JRK: variants seen among roughly 807,000 people sequenced by gnomAD.
JRK encodes the protein jerky protein homolog.
For missense variants in JRK, 720 were observed against 509.2 expected, an observed-to-expected ratio of 1.41 and a Z score of -3.98; for synonymous variants, 303 against 218.1, an observed-to-expected ratio of 1.39 and a Z score of -3.43.
chr8:142,665,687 C>T lies in JRK; in HGVS notation c.372G>A (p.Gln124=), dbSNP rs782714033. Residue 124 remains glutamine (Q), a synonymous_variant, in exon 2 of 2, where the codon CAG becomes CAA. Transcript: ENST00000612905. ...EKAKDFYEQM[Q]LTEPCVFSGG... ...CGGAGAACACGCAGGGCTCAGTGAGCTGCATCTGCTCGTAGAAGTCCTTGG... is the reference window on the plus strand; with the variant it reads ...CGGAGAACACGCAGGGCTCAGTGAGTTGCATCTGCTCGTAGAAGTCCTTGG... 1 of 735,328 alleles carries T rather than the reference C, an allele frequency of 1.4e-6. No individual in the cohort carries two copies. Among genetic ancestry groups the T allele is most frequent in the Non-Finnish European group, 2.5e-6 (1 of 394,608 alleles). The allele number at this position is 735,328 out of a possible 1,614,324, so 45.6% of individuals were successfully genotyped here. A position where few individuals can be genotyped will look rare whatever the true frequency, so the allele number is the denominator to read the frequency against.
chr8:142,645,681 G>GA, the JRK span, among the ~76,000 whole-genome samples: 4,904 of 147,214 alleles, frequency 0.033, 104 homozygotes, highest in Non-Finnish European at 0.051. Flanking sequence ...CTCCATCTCA[G>GA]AAAAAAAAAA....
chr8:142,648,907 C>G, the JRK span, among the ~76,000 whole-genome samples: 2 of 152,246 alleles, frequency 1.3e-5, no homozygotes, highest in South Asian at 4.1e-4. Context: ...AAGGGTGGAG[C>G]TGCCCAAGAC....
the JRK span, among the ~76,000 whole-genome samples, chr8:142,649,123 T>G: frequency 6.6e-6 from 1 of 152,248 alleles, no homozygotes; most frequent in African/African-American, 2.4e-5. Flanking sequence ...AACTTGCTTT[T>G]GATTTTACAG....
At chr8:142,668,561 G>A (rs1554636646) in intron 1 of JRK, among the ~76,000 whole-genome samples, 3 of 151,634 alleles carry the variant, frequency 2.0e-5, no homozygotes, top group Non-Finnish European at 4.4e-5. Context: ...GGGGAGACAC[G>A]GAATCCCACA....
chr8:142,646,302 A>G, the JRK span, among the ~76,000 whole-genome samples: 2 of 152,086 alleles, frequency 1.3e-5, no homozygotes, highest in Non-Finnish European at 1.5e-5. Context: ...GTGTAGGTCA[A>G]ACTAACATTG....
chr8:142,650,509 TA>T, the JRK span, among the ~76,000 whole-genome samples: 2 of 152,346 alleles, frequency 1.3e-5, no homozygotes, highest in Admixed American at 1.3e-4. Context: ...AATTGAATCA[TA>T]AAGTCAGTCT....
the JRK span, among the ~76,000 whole-genome samples, chr8:142,644,045 T>C: frequency 7.9e-5 from 12 of 152,320 alleles, 1 homozygote; most frequent in South Asian, 2.3e-3. Context: ...CTTGTAATAG[T>C]TCAGTTGCTG....
rs1289230249 is a variant in JRK at position 142,660,074 on chromosome 8, T to G, written c.*4278A>C. ...CTGCCATGGCTGCAGCTCCTGGCCCTGCGGACAGCCAGGCCTGGGGTCTAC... is the reference window on the plus strand; with the variant it reads ...CTGCCATGGCTGCAGCTCCTGGCCCGGCGGACAGCCAGGCCTGGGGTCTAC... On this transcript the variant is annotated 3_prime_UTR_variant, in exon 2 of 2. Coordinates refer to ENST00000612905, the MANE Select transcript of JRK (RefSeq NM_003724.4). 1.0e-6 allele frequency: 1 copy of G among 985,810 alleles called. No individual in the cohort carries two copies. The highest frequency in any genetic ancestry group is 1.7e-5 in the African/African-American group (1 of 57,366). 61.1% of individuals were successfully genotyped at this position (985,810 alleles called of 1,614,324 possible). A position where few individuals can be genotyped will look rare whatever the true frequency, so the allele number is the denominator to read the frequency against.
At position 142,666,417 on chromosome 8, in the gene JRK, C is replaced by A; in HGVS notation, c.-359G>T. ...CTCTGTGGATACTATGGCAGCGGCT[C>A]CCCTCAAACTGACCAGGTTTGGGGT... On this transcript the variant is annotated 5_prime_UTR_variant, in exon 2 of 2. Coordinates refer to ENST00000612905, the MANE Select transcript of JRK (RefSeq NM_003724.4). 1 of 406,084 alleles carries A rather than the reference C, an allele frequency of 2.5e-6. No homozygotes were observed. Among genetic ancestry groups the A allele is most frequent in the South Asian group, 2.3e-5 (1 of 42,910 alleles). The allele number at this position is 406,084 out of a possible 1,614,324, so 25.2% of individuals were successfully genotyped here.
Position 142,665,648 on chromosome 8 carries a change from C to T in JRK, c.411G>A (p.Trp137Ter). ...TAATGCCGTGTCTGGCCTTAAAGCG[C>T]CAAAGCCACCCTCCGGAGAACACGC... is the stretch of plus-strand genomic sequence containing the variant. The part of the protein sequence containing the change: ...EPCVFSGGWL[W>*]RFKARHGIKK... Residue 137 changes from tryptophan to a stop codon, truncating the protein, a stop_gained, in exon 2 of 2, where the codon TGG (tryptophan) becomes TGA (stop). Transcript: ENST00000612905. LOFTEE classifies it low-confidence loss of function (END_TRUNC). 1 of 719,340 alleles carries T rather than the reference C, an allele frequency of 1.4e-6. No homozygotes were observed. The highest frequency in any genetic ancestry group is 2.6e-6 in the Non-Finnish European group (1 of 385,656). 44.6% of individuals were successfully genotyped at this position (719,340 alleles called of 1,614,324 possible). A position where few individuals can be genotyped will look rare whatever the true frequency, so the allele number is the denominator to read the frequency against.
chr8:142,661,783 G>A lies in JRK; in HGVS notation c.*2569C>T. ...GTACAGCGGGGCTCCACCTGAGAGG[G>A]CTTGGGGAAAAAGATTCTGAGGCTA... On this transcript the variant is annotated 3_prime_UTR_variant, in exon 2 of 2. Transcript: ENST00000612905. 1.0e-6 allele frequency: 1 copy of A among 985,548 alleles called. No individual in the cohort carries two copies. The highest frequency in any genetic ancestry group is 1.1e-4 in the East Asian group (1 of 8,824). The allele number at this position is 985,548 out of a possible 1,614,324, so 61.1% of individuals were successfully genotyped here.
At position 142,660,062 on chromosome 8, in the gene JRK, A is replaced by G. The variant is rs1587516483; in HGVS notation, c.*4290T>C. The G allele has an allele frequency of 5.1e-6, 5 of 985,698 alleles. No individual in the cohort carries two copies. The East Asian group carries it at 3.4e-4, about 67-fold the overall frequency. The allele number at this position is 985,698 out of a possible 1,614,324, so 61.1% of individuals were successfully genotyped here. On this transcript the variant is annotated 3_prime_UTR_variant, in exon 2 of 2. Coordinates refer to ENST00000612905, the MANE Select transcript of JRK (RefSeq NM_003724.4). ...GGAGGCTGGTGGCTGCCATGGCTGCAGCTCCTGGCCCTGCGGACAGCCAGG... is the reference window on the plus strand; with the variant it reads ...GGAGGCTGGTGGCTGCCATGGCTGCGGCTCCTGGCCCTGCGGACAGCCAGG...
At chr8:142,648,296 A>G in the JRK span, among the ~76,000 whole-genome samples, 1 of 152,240 alleles carries the variant, frequency 6.6e-6, no homozygotes, top group Non-Finnish European at 1.5e-5. Context: ...GTTAATCCCC[A>G]AGACAATGGG....
intron 1 of JRK, among the ~76,000 whole-genome samples, chr8:142,668,052 C>G (rs1439760670): frequency 2.0e-5 from 3 of 152,222 alleles, no homozygotes; most frequent in African/African-American, 7.2e-5. Flanking sequence ...CTGGCCGCCT[C>G]AGTGTGGCGT....
At position 142,666,618 on chromosome 8, in the gene JRK, C is replaced by T. The variant is rs144258453; in HGVS notation, c.-462-98G>A. 35 of 190,728 alleles carry T rather than the reference C, an allele frequency of 1.8e-4. 1 individual carries two copies. In the East Asian group the frequency reaches 4.0e-3, roughly 22 times the overall value. The allele number at this position is 190,728 out of a possible 1,614,324, so 11.8% of individuals were successfully genotyped here. A position where few individuals can be genotyped will look rare whatever the true frequency, so the allele number is the denominator to read the frequency against. ...CCTCACCGGGACACTCCAGCTGAAA[C>T]TCAAGGGCTGTTGAGAGGACCCATG... On this transcript the variant is annotated intron_variant, in intron 1 of 1. Transcript: ENST00000612905.
the JRK span, among the ~76,000 whole-genome samples, chr8:142,648,800 C>T: frequency 6.6e-6 from 1 of 152,334 alleles, no homozygotes; most frequent in Middle Eastern, 3.4e-3. Flanking sequence ...AATGGTAGAT[C>T]CACTGACAGC....
chr8:142,648,372 T>G, the JRK span, among the ~76,000 whole-genome samples: 1 of 152,124 alleles, frequency 6.6e-6, no homozygotes, highest in East Asian at 1.9e-4. Flanking sequence ...CCCAAAGGCC[T>G]AGGGGAAAAA....
the JRK span, among the ~76,000 whole-genome samples, chr8:142,647,162 G>C: frequency 6.6e-6 from 1 of 152,180 alleles, no homozygotes; most frequent in South Asian, 2.1e-4. Context: ...TTCTTAACTG[G>C]ATCTCTGAGC....
At chr8:142,669,606 C>T (rs1309214627) in intron 1 of JRK, among the ~76,000 whole-genome samples, 1 of 152,086 alleles carries the variant, frequency 6.6e-6, no homozygotes, top group Non-Finnish European at 1.5e-5. Flanking sequence ...AGAGTGGAAG[C>T]GCAGGAAGGG....
Sources: allele counts gnomAD v4.1 joint callset (sites outside exome capture counted in the v4.1 genomes callset), GRCh38; gene constraint gnomAD v4.1.1; transcripts MANE v1.5; gene names NCBI Gene and HGNC (gene_info 2026-07-23, HGNC 2026-07-21).